ARHGAP26: variants seen among roughly 807,000 people sequenced by gnomAD.
ARHGAP26 encodes the protein rho GTPase-activating protein 26.
ARHGAP26 carries 38 observed loss-of-function variants against 104.8 expected under a neutral mutation model. That is an observed-to-expected ratio of 0.36 (90% CI 0.28 to 0.48). The LOEUF is 0.48. ARHGAP26 is among the 20% of genes least tolerant of loss of function. The pLI, the probability that ARHGAP26 is intolerant of heterozygous loss-of-function variation, is 0.99. For missense variants in ARHGAP26, 704 were observed against 947.9 expected, an observed-to-expected ratio of 0.74 and a Z score of 3.38; for synonymous variants, 341 against 340.0, an observed-to-expected ratio of 1.00 and a Z score of -0.03.
At chr5:143,152,791 A>T (rs1800004952) in intron 20 of ARHGAP26, among the ~76,000 whole-genome samples, 1 of 152,188 alleles carries the variant, frequency 6.6e-6, no homozygotes, top group South Asian at 2.1e-4. Flanking sequence ...CTTAAAGATG[A>T]CGGATTACTG....
chr5:142,971,988 C>G (rs542412829), intron 11 of ARHGAP26, among the ~76,000 whole-genome samples: 2 of 152,192 alleles, frequency 1.3e-5, no homozygotes, highest in Non-Finnish European at 2.9e-5. Context: ...CCGAGACCAG[C>G]CTGGCCAACA....
chr5:143,139,925 G>A (rs748938798), intron 19 of ARHGAP26, among the ~76,000 whole-genome samples: 3 of 152,202 alleles, frequency 2.0e-5, no homozygotes, highest in African/African-American at 7.2e-5. Flanking sequence ...ACAAGGTCTT[G>A]TACCTTATAG....
chr5:142,953,072 T>C lies in ARHGAP26; in HGVS notation c.1107+20947T>C, dbSNP rs188625004. ...AATGTCATGGAGAGGATATAACTTA[T>C]AACACCTTGCACTAGCTAGTCCATG... On this transcript the variant is annotated intron_variant, in intron 11 of 22. Transcript: ENST00000645722. 6.5e-4 allele frequency among the ~76,000 whole-genome samples: 99 copies of C among 152,250 alleles called. 1 individual carries two copies. Among genetic ancestry groups the C allele is most frequent in the African/African-American group, 2.3e-3 (97 of 41,542 alleles).
At chr5:142,968,667 T>G (rs1012823741) in intron 11 of ARHGAP26, among the ~76,000 whole-genome samples, 2 of 152,252 alleles carry the variant, frequency 1.3e-5, no homozygotes, top group Non-Finnish European at 2.9e-5. Flanking sequence ...ACATATGTAT[T>G]GTGCATATGG....
rs1280212738 is a variant in ARHGAP26, at chr5:143,167,117, C to A, written c.1988+19736C>A. Among the ~76,000 whole-genome samples the A allele has an allele frequency of 2.0e-5, 3 of 151,962 alleles. No individual in the cohort carries two copies. In the East Asian group the frequency reaches 5.8e-4, roughly 29 times the overall value. ...TAATTTTCTCACCTCAAGTAAATTGCATTTGATATATTCTGTCTTTGAAGG... is the reference window on the plus strand; with the variant it reads ...TAATTTTCTCACCTCAAGTAAATTGAATTTGATATATTCTGTCTTTGAAGG... On this transcript the variant is annotated intron_variant, in intron 20 of 22. Coordinates refer to ENST00000645722, the MANE Select transcript of ARHGAP26 (RefSeq NM_001135608.3).
chr5:143,133,376 C>G (rs931703466), intron 18 of ARHGAP26, among the ~76,000 whole-genome samples: 1 of 151,950 alleles, frequency 6.6e-6, no homozygotes, highest in Non-Finnish European at 1.5e-5. Flanking sequence ...TTACTTTTAT[C>G]AAGATAAACG....
intron 1 of ARHGAP26, among the ~76,000 whole-genome samples, chr5:142,812,278 G>C (rs1240576968): frequency 2.0e-5 from 3 of 152,054 alleles, no homozygotes; most frequent in African/African-American, 7.2e-5. Flanking sequence ...TTTAGAGCTG[G>C]GGTCTCACTC....
At chr5:142,817,923 T>C (rs986903881) in intron 1 of ARHGAP26, among the ~76,000 whole-genome samples, 2 of 152,198 alleles carry the variant, frequency 1.3e-5, no homozygotes, top group African/African-American at 2.4e-5. Context: ...TGTGATTCAT[T>C]TGTGAACTTT....
chr5:143,204,282 G>A lies in ARHGAP26; in HGVS notation c.1989-2916G>A, dbSNP rs1381941949. On this transcript the variant is annotated intron_variant, in intron 20 of 22. Coordinates refer to ENST00000645722, the MANE Select transcript of ARHGAP26 (RefSeq NM_001135608.3). The stretch of plus-strand genomic sequence containing the variant: ...TCATGCCTGTAATTCCAGCACTTTG[G>A]GAGGCCAAGGTGGGTGGAACACCTG... Among the ~76,000 whole-genome samples, 7 of 152,166 alleles carry A rather than the reference G, an allele frequency of 4.6e-5. No individual in the cohort carries two copies. The East Asian group carries it at 1.3e-3, about 29-fold the overall frequency.
Position 143,090,452 on chromosome 5 carries a change from C to G in ARHGAP26, c.1539-30536C>G, listed in dbSNP as rs182157398. On this transcript the variant is annotated intron_variant, in intron 17 of 22. Coordinates refer to ENST00000645722, the MANE Select transcript of ARHGAP26 (RefSeq NM_001135608.3). The stretch of plus-strand genomic sequence containing the variant: ...AGTCTTTAACTTCTACGATAGCTAT[C>G]TCAGTCGTGTCATTAGATGGAGAAG... Among the ~76,000 whole-genome samples, 328 of 152,234 alleles carry G rather than the reference C, an allele frequency of 2.2e-3. 4 individuals are homozygous for G. Among genetic ancestry groups the G allele is most frequent in the African/African-American group, 7.7e-3 (319 of 41,486 alleles).
chr5:142,952,475 C>T (rs139060525), intron 11 of ARHGAP26, among the ~76,000 whole-genome samples: 227 of 152,152 alleles, frequency 1.5e-3, no homozygotes, highest in Non-Finnish European at 2.9e-3. Flanking sequence ...TCCTATGTAC[C>T]GTAGTGTGTC....
At chr5:143,200,555 G>GA (rs1006199578) in intron 20 of ARHGAP26, among the ~76,000 whole-genome samples, 1 of 151,410 alleles carries the variant, frequency 6.6e-6, no homozygotes. Flanking sequence ...CTTATTAAGG[G>GA]AAAAAAAGGA....
At chr5:142,773,163 G>T (rs758454569) in intron 1 of ARHGAP26, among the ~76,000 whole-genome samples, 11 of 152,046 alleles carry the variant, frequency 7.2e-5, no homozygotes, top group Non-Finnish European at 1.3e-4. Flanking sequence ...TGCTTGCTGC[G>T]TGGTATACTA....
At chr5:142,931,330 C>T (rs779717214) in intron 10 of ARHGAP26, among the ~76,000 whole-genome samples, 35 of 152,106 alleles carry the variant, frequency 2.3e-4, no homozygotes, top group Non-Finnish European at 8.8e-5. Context: ...GTCTCTTTTT[C>T]TTGCGGAGTA....
At chr5:143,129,569 A>G (rs1797096080) in intron 18 of ARHGAP26, among the ~76,000 whole-genome samples, 1 of 152,210 alleles carries the variant, frequency 6.6e-6, no homozygotes, top group African/African-American at 2.4e-5. Context: ...CAAGCCATCT[A>G]GGTCCCAGTC....
chr5:142,891,125 G>C (rs1038339059), intron 5 of ARHGAP26, among the ~76,000 whole-genome samples: 3 of 151,968 alleles, frequency 2.0e-5, no homozygotes, highest in Non-Finnish European at 4.4e-5. Context: ...GCTACAAGAA[G>C]ATCAAAGGCT....
intron 20 of ARHGAP26, among the ~76,000 whole-genome samples, chr5:143,154,478 C>A (rs899470135): frequency 3.9e-5 from 6 of 152,198 alleles, no homozygotes; most frequent in African/African-American, 1.2e-4. Context: ...GGGCTCCCCC[C>A]ACAAACTGTC....
In ARHGAP26 at chr5:143,111,650, T is replaced by C. The variant is rs982701859; in HGVS notation, c.1539-9338T>C. Among the ~76,000 whole-genome samples, 5 of 152,228 alleles carry C rather than the reference T, an allele frequency of 3.3e-5. No individual in the cohort carries two copies. In the East Asian group the frequency reaches 9.6e-4, roughly 29 times the overall value. The stretch of plus-strand genomic sequence containing the variant: ...AGAAATGGATAAAGAAAAGGAGAGA[T>C]AGGAGACACTGTCTTAGAGAGCTAT... On this transcript the variant is annotated intron_variant, in intron 17 of 22. Transcript: ENST00000645722.
At chr5:143,007,194 G>GA (rs34602049) in intron 11 of ARHGAP26, among the ~76,000 whole-genome samples, 1,171 of 69,046 alleles carry the variant, frequency 0.017, 9 homozygotes, top group African/African-American at 0.04. Flanking sequence ...CTCTGTCTCC[G>GA]AAAAAAAAAA....
Sources: gnomAD v4.1 joint callset for allele counts (sites outside exome capture counted in the v4.1 genomes callset) on GRCh38, gnomAD v4.1.1 for gene constraint, MANE v1.5 for transcripts, NCBI Gene and HGNC (gene_info 2026-07-23, HGNC 2026-07-21) for gene names.